Variants in NOLC1 observed in about 807,000 individuals in gnomAD.
The protein encoded by NOLC1 is nucleolar and coiled-body phosphoprotein 1, also known as 140 kDa nucleolar phosphoprotein.
NOLC1 carries 37 observed loss-of-function variants against 73.4 expected under a neutral mutation model. The ratio of observed to expected loss-of-function variants is 0.50; its 90% CI spans 0.39 to 0.66. NOLC1 has a LOEUF of 0.66. Among genes scored for constraint, NOLC1 ranks in the 30% least tolerant of loss-of-function variants. The pLI is 0.00. For missense variants in NOLC1, 921 were observed against 838.9 expected (o/e 1.10, Z -1.21); for synonymous variants, 327 against 302.6 (o/e 1.08, Z -0.84).
In NOLC1 at chr10:102,162,958, A is replaced by AT. The variant is rs988732045; in HGVS notation, c.*696dup. ...GAATGCCATGGGTCATTCTGAATAT[A>AT]TTTTTTTCTGTAATTTTATCATTAC... On this transcript the variant is annotated 3_prime_UTR_variant, in exon 13 of 13. Coordinates refer to ENST00000605788, the MANE Select transcript of NOLC1 (RefSeq NM_004741.5). The AT allele has an allele frequency of 1.3e-5, 2 of 151,994 alleles. No individual in the cohort carries two copies. Among genetic ancestry groups the AT allele is most frequent in the African/African-American group, 4.8e-5 (2 of 41,388 alleles). The allele number at this position is 151,994 out of a possible 1,614,324, so 9.4% of individuals were successfully genotyped here. A position where few individuals can be genotyped will look rare whatever the true frequency, so the allele number is the denominator to read the frequency against.
rs1296804170 is a variant in NOLC1, at chr10:102,160,737, C to T, written c.1385C>T (p.Ala462Val). 9.9e-6 allele frequency: 16 copies of T among 1,614,016 alleles called. No homozygotes were observed. The highest frequency in any genetic ancestry group is 1.2e-5 in the Non-Finnish European group (14 of 1,179,984). Residue 462 changes from alanine (A) to valine (V), a missense_variant, in exon 10 of 13, where the codon GCT becomes GTT. Transcript: ENST00000605788. ...GCTCTATCTCTGCCTGCCAAGCAGG[C>T]TCCTCAGGGTAGTAGGGACAGCAGC... ...KAALSLPAKQ[A>V]PQGSRDSSSD...
chr10:102,161,751 G>A, intron 11 of NOLC1, 82 bp from the exon 12 acceptor site: 1 of 1,521,054 alleles, frequency 6.6e-7, no homozygotes, highest in Non-Finnish European at 9.1e-7. Flanking sequence ...GGCGTGACCT[G>A]GTACATGTGC....
chr10:102,161,973 CAGAG>C lies in NOLC1; in HGVS notation c.1941+51_1941+54del, dbSNP rs769900830. On this transcript the variant is annotated intron_variant, in intron 12 of 12. Transcript: ENST00000605788. ...TCTTGGGAGGGAGGATGGGTAGTGT[CAGAG>C]AGGACAATTCTTGGTTCAGGTTGGT... 56 of 1,602,412 alleles carry C rather than the reference CAGAG, an allele frequency of 3.5e-5. No individual in the cohort carries two copies. In the Admixed American group the frequency reaches 3.7e-4, roughly 10 times the overall value.
intron 1 of NOLC1, among the ~76,000 whole-genome samples, chr10:102,155,899 C>T (rs1329048032): frequency 2.6e-5 from 4 of 152,138 alleles, no homozygotes; most frequent in Admixed American, 6.5e-5. Context: ...GTCTGTCGCA[C>T]AGGCTGGAGT....
At chr10:102,155,449 C>G (rs1247543748) in intron 1 of NOLC1, among the ~76,000 whole-genome samples, 1 of 150,592 alleles carries the variant, frequency 6.6e-6, no homozygotes, top group African/African-American at 2.4e-5. Flanking sequence ...TCTTGAACTC[C>G]TGTCCTTAAG....
In NOLC1 at chr10:102,160,442, C is replaced by T. The variant is rs1564971287; in HGVS notation, c.1100-10C>T. ...TGGGGAGCTGTTGATTCCATCCCTT[C>T]TGTGTCTAGACTCTGACAGCTCTGA... On this transcript the variant is annotated splice_polypyrimidine_tract_variant and intron_variant, in intron 9 of 12. Transcript: ENST00000605788. The T allele has an allele frequency of 1.2e-6, 2 of 1,612,488 alleles. No individual in the cohort carries two copies. Among genetic ancestry groups the T allele is most frequent in the Non-Finnish European group, 1.7e-6 (2 of 1,179,232 alleles).
At position 102,159,883 on chromosome 10, in the gene NOLC1, C is replaced by T. The variant is rs2069669974; in HGVS notation, c.860-13C>T. 5 of 1,537,314 alleles carry T rather than the reference C, an allele frequency of 3.3e-6. No individual in the cohort carries two copies. Among genetic ancestry groups the T allele is most frequent in the Non-Finnish European group, 4.4e-6 (5 of 1,144,368 alleles). Reference sequence around the variant, plus strand: ...ACATATCCTAAAACCATCACACTATCCTTTTTAAACAGGTCCCTACAGTTC... The same window carrying T: ...ACATATCCTAAAACCATCACACTATTCTTTTTAAACAGGTCCCTACAGTTC... On this transcript the variant is annotated splice_polypyrimidine_tract_variant and intron_variant, in intron 7 of 12. Coordinates refer to ENST00000605788, the MANE Select transcript of NOLC1 (RefSeq NM_004741.5).
In NOLC1 at chr10:102,161,053, A is replaced by C; in HGVS notation, c.1701A>C (p.Glu567Asp). ...GKAAKNSEEE[E>D]EEKKKAAVVV... ...CAGCTAAGAACAGTGAGGAGGAGGA[A>C]GAAGAAAAGAAAAAGGCGGCAGTGG... The change falls in exon 10 of 13, where the codon GAA becomes GAC. Residue 567 changes from glutamate (E) to aspartate (D), a missense_variant. Coordinates refer to ENST00000605788, the MANE Select transcript of NOLC1 (RefSeq NM_004741.5). 6.2e-7 allele frequency: 1 copy of C among 1,611,184 alleles called. No individual in the cohort carries two copies. The highest frequency in any genetic ancestry group is 8.5e-7 in the Non-Finnish European group (1 of 1,179,378).
chr10:102,163,251 G>T lies in NOLC1; in HGVS notation c.*982G>T, dbSNP rs1441378859. 1 of 151,396 alleles carries T rather than the reference G, an allele frequency of 6.6e-6. No individual in the cohort carries two copies. The highest frequency in any genetic ancestry group is 1.5e-5 in the Non-Finnish European group (1 of 67,750). The allele number at this position is 151,396 out of a possible 1,614,324, so 9.4% of individuals were successfully genotyped here. On this transcript the variant is annotated 3_prime_UTR_variant, in exon 13 of 13. Coordinates refer to ENST00000605788, the MANE Select transcript of NOLC1 (RefSeq NM_004741.5). ...GAATCACTGATCAAGAAAGTGGGGG[G>T]AAAAAAAACAAACGTTAAAACCTCA...
chr10:102,160,425 T>A, intron 9 of NOLC1, 27 bp from the exon 10 acceptor site: 1 of 1,612,328 alleles, frequency 6.2e-7, no homozygotes, highest in East Asian at 2.2e-5. Flanking sequence ...TTTGGGGAGC[T>A]GTTGATTCCA....
At position 102,162,091 on chromosome 10, in the gene NOLC1, T is replaced by C; in HGVS notation, c.1942-20T>C. ...CCAGCATGGTCCTCCTCTGTGTTAA[T>C]CTCCCTCTCTACTTACCAGCGAGGT... On this transcript the variant is annotated intron_variant, in intron 12 of 12. Coordinates refer to ENST00000605788, the MANE Select transcript of NOLC1 (RefSeq NM_004741.5). 6.2e-7 allele frequency: 1 copy of C among 1,612,292 alleles called. No individual in the cohort carries two copies.
intron 5 of NOLC1, among the ~76,000 whole-genome samples, chr10:102,158,660 T>A (rs1442168941): frequency 2.0e-5 from 3 of 152,236 alleles, no homozygotes; most frequent in Non-Finnish European, 4.4e-5. Flanking sequence ...GTGAAAGATT[T>A]TAGAGGGCGT....
intron 1 of NOLC1, among the ~76,000 whole-genome samples, chr10:102,156,227 A>G (rs1416474865): frequency 1.3e-5 from 2 of 152,226 alleles, no homozygotes; most frequent in Non-Finnish European, 2.9e-5. Flanking sequence ...CAAGTAATGG[A>G]TAAGATTACA....
chr10:102,160,869 C>T lies in NOLC1; in HGVS notation c.1517C>T (p.Pro506Leu), dbSNP rs564872700. ...KVAGGAAPSK[P>L]ASAKKGKAES... ...GCAGGAGGTGCAGCCCCTTCCAAGC[C>T]AGCCTCTGCAAAGAAAGGAAAGGCT... The change falls in exon 10 of 13, where the codon CCA (proline) becomes CTA (leucine). Residue 506 changes from proline to leucine, a missense_variant. Pro to Leu is a moderately conservative substitution (Grantham distance 98, BLOSUM62 -3). Transcript: ENST00000605788. The T allele has an allele frequency of 3.1e-6, 5 of 1,614,128 alleles. No homozygotes were observed. Among genetic ancestry groups the T allele is most frequent in the African/African-American group, 1.3e-5 (1 of 75,022 alleles).
chr10:102,159,379 A>G lies in NOLC1; in HGVS notation c.724-54A>G, dbSNP rs1181595063. The G allele has an allele frequency of 3.7e-6, 6 of 1,613,648 alleles. No individual in the cohort carries two copies. In the South Asian group the frequency reaches 6.6e-5, roughly 18 times the overall value. Reference sequence around the variant, plus strand: ...TGTGTGTGTGTCTTCCTTCCCTGGCAGGATTGGTTGGGTCAGCATTTTCCT... The same window carrying G: ...TGTGTGTGTGTCTTCCTTCCCTGGCGGGATTGGTTGGGTCAGCATTTTCCT... On this transcript the variant is annotated intron_variant, in intron 6 of 12. Transcript: ENST00000605788.
chr10:102,159,428 T>A lies in NOLC1; in HGVS notation c.724-5T>A, dbSNP rs552457037. ...CTGTGGTAATCAATTTTCTTTCTAA[T>A]GCAGACTGTACCTAAAAAGCAAGTT... On this transcript the variant is annotated splice_polypyrimidine_tract_variant and splice_region_variant and intron_variant, in intron 6 of 12. Transcript: ENST00000605788. 7.2e-5 allele frequency: 117 copies of A among 1,613,998 alleles called. 1 individual carries two copies. In the South Asian group the frequency reaches 1.2e-3, roughly 17 times the overall value.
In NOLC1 at chr10:102,162,345, A is replaced by G; in HGVS notation, c.*76A>G. The G allele has an allele frequency of 6.6e-7, 1 of 1,512,208 alleles. No homozygotes were observed. Among genetic ancestry groups the G allele is most frequent in the South Asian group, 1.2e-5 (1 of 81,478 alleles). 93.7% of individuals were successfully genotyped at this position (1,512,208 alleles called of 1,614,324 possible). On this transcript the variant is annotated 3_prime_UTR_variant, in exon 13 of 13. Coordinates refer to ENST00000605788, the MANE Select transcript of NOLC1 (RefSeq NM_004741.5). ...TTCTCCAGTGGACCTGGGAACCCTCAGGTCTCTAGGTGAGGGTCTTGATGA... is the reference window on the plus strand; with the variant it reads ...TTCTCCAGTGGACCTGGGAACCCTCGGGTCTCTAGGTGAGGGTCTTGATGA...
At chr10:102,161,989 TGGTTCAGGTTGGTGGGAATCTTCTCTG>T in intron 12 of NOLC1, 64 bp downstream of exon 12, 3 of 1,601,218 alleles carry the variant, frequency 1.9e-6, no homozygotes, top group Middle Eastern at 1.8e-4. Flanking sequence ...GGACAATTCT[TGGTTCAGGTTGGTGGGAATCTTCTCTG>T]GGTTCAGGTT....
At position 102,162,901 on chromosome 10, in the gene NOLC1, G is replaced by C. The variant is rs2069737318; in HGVS notation, c.*632G>C. On this transcript the variant is annotated 3_prime_UTR_variant, in exon 13 of 13. Transcript: ENST00000605788. ...CCTACTTTTTGGGATAAAATTCTCT[G>C]TTTTGTTACAGGCAAAATTCTGGTA... 6.6e-6 allele frequency: 1 copy of C among 152,206 alleles called. No homozygotes were observed. The allele number at this position is 152,206 out of a possible 1,614,324, so 9.4% of individuals were successfully genotyped here.
Sources: allele counts gnomAD v4.1 joint callset (sites outside exome capture counted in the v4.1 genomes callset), GRCh38; gene constraint gnomAD v4.1.1; transcripts MANE v1.5; gene names NCBI Gene and HGNC (gene_info 2026-07-23, HGNC 2026-07-21).